SRCIN1: variants seen among roughly 807,000 people sequenced by gnomAD.
SRCIN1 encodes the protein SRC kinase signaling inhibitor 1, also known as P130Cas-associated protein.
Under a neutral mutation model 116.2 loss-of-function variants are expected in SRCIN1, and 50 were observed. The ratio of observed to expected loss-of-function variants is 0.43; its 90% confidence interval spans 0.34 to 0.54. The LOEUF (loss-of-function observed/expected upper bound fraction) is 0.54. Ranked by LOEUF, SRCIN1 falls within the 20% of genes least tolerant of loss-of-function variation. The pLI, the probability that SRCIN1 is intolerant of heterozygous loss-of-function variation, is 0.02. For synonymous variants in SRCIN1, 736 were observed against 750.0 expected, an observed-to-expected ratio of 0.98 and a Z score of 0.30; for missense variants, 1,446 against 1,672.0, an observed-to-expected ratio of 0.86 and a Z score of 2.36.
rs1180678499 is a variant in SRCIN1, at chr17:38,548,650, C to A, written c.3177G>T (p.Val1059=). Residue 1059 remains valine, a synonymous_variant, in exon 17 of 19, where the codon GTG becomes GTT. Coordinates refer to ENST00000617146, the MANE Select transcript of SRCIN1 (RefSeq NM_025248.3). The part of the protein sequence containing the change: ...QKPQVKLRRA[V]SEVARPASTP... ...TGGAGGCTGGGCGGGCCACCTCAGA[C>A]ACAGCCCGGCGCAGCTTCACCTGGG... 1 of 1,612,742 alleles carries A rather than the reference C, an allele frequency of 6.2e-7. No individual in the cohort carries two copies. Among genetic ancestry groups the A allele is most frequent in the African/African-American group, 1.3e-5 (1 of 74,914 alleles).
At chr17:38,580,850 T>TG (rs1006875628) in intron 1 of SRCIN1, among the ~76,000 whole-genome samples, 1 of 152,162 alleles carries the variant, frequency 6.6e-6, no homozygotes, top group East Asian at 1.9e-4. Context: ...TTTCTTTTTC[T>TG]GGGGGGACAG....
In SRCIN1 at chr17:38,578,420, C is replaced by T. The variant is rs373849805; in HGVS notation, c.324+70G>A. The T allele has an allele frequency of 9.6e-4, 1,415 of 1,478,964 alleles. 11 individuals carry two copies. The African/African-American group carries it at 0.018, about 19-fold the overall frequency. The allele number at this position is 1,478,964 out of a possible 1,614,324, so 91.6% of individuals were successfully genotyped here. A position where few individuals can be genotyped will look rare whatever the true frequency, so the allele number is the denominator to read the frequency against. Reference sequence around the variant, plus strand: ...GGAATGAGCCTGGGGACACGGAGCACGGGGTCAGACCTCCTCCCCTGCCCG... The same window carrying T: ...GGAATGAGCCTGGGGACACGGAGCATGGGGTCAGACCTCCTCCCCTGCCCG... On this transcript the variant is annotated intron_variant, in intron 2 of 18. Coordinates refer to ENST00000617146, the MANE Select transcript of SRCIN1 (RefSeq NM_025248.3).
At chr17:38,554,543 G>A (rs570234194) in intron 11 of SRCIN1, among the ~76,000 whole-genome samples, 3 of 152,220 alleles carry the variant, frequency 2.0e-5, no homozygotes, top group Admixed American at 6.5e-5. Flanking sequence ...CTCCCCTTGC[G>A]GCTGTTGGGT....
chr17:38,569,370 G>A (rs78644079), intron 2 of SRCIN1, among the ~76,000 whole-genome samples: 3,988 of 152,230 alleles, frequency 0.026, 186 homozygotes, highest in African/African-American at 0.089. Context: ...TGCCTGGCAC[G>A]AGCAGACAAG....
At position 38,549,083 on chromosome 17, in the gene SRCIN1, G is replaced by A. The variant is rs1352744068; in HGVS notation, c.3090C>T (p.Thr1030=). The A allele has an allele frequency of 6.2e-7, 1 of 1,613,140 alleles. No individual in the cohort carries two copies. Among genetic ancestry groups the A allele is most frequent in the South Asian group, 1.1e-5 (1 of 91,048 alleles). Residue 1030 remains threonine, a synonymous_variant, in exon 16 of 19, where the codon ACC becomes ACT. Coordinates refer to ENST00000617146, the MANE Select transcript of SRCIN1 (RefSeq NM_025248.3). ...TGATGAAGGCCGAGTCCTTCTTGCTGGTGACCACCACCTCTCCGGTACGTG... is the reference window on the plus strand; with the variant it reads ...TGATGAAGGCCGAGTCCTTCTTGCTAGTGACCACCACCTCTCCGGTACGTG... ...TTTRTGEVVV[T]SKKDSAFIKK...
chr17:38,579,286 A>T (rs929651686), intron 1 of SRCIN1, among the ~76,000 whole-genome samples: 2 of 152,222 alleles, frequency 1.3e-5, no homozygotes, highest in African/African-American at 4.8e-5. Context: ...CTCCTCCCTC[A>T]GACTAGCATA....
At chr17:38,556,784 C>T (rs904430786) in intron 11 of SRCIN1, among the ~76,000 whole-genome samples, 3 of 152,192 alleles carry the variant, frequency 2.0e-5, no homozygotes, top group African/African-American at 7.2e-5. Flanking sequence ...AGTCTGTGTT[C>T]CTGGAGAACC....
At chr17:38,545,613 GA>G (rs1220484493) in intron 17 of SRCIN1, among the ~76,000 whole-genome samples, 2 of 152,218 alleles carry the variant, frequency 1.3e-5, no homozygotes, top group Admixed American at 1.3e-4. Flanking sequence ...CAGTAAGTTG[GA>G]GGCAAAATTG....
intron 1 of SRCIN1, among the ~76,000 whole-genome samples, chr17:38,595,991 GC>G (rs1474654094): frequency 1.3e-5 from 2 of 150,064 alleles, no homozygotes; most frequent in Non-Finnish European, 2.9e-5. Flanking sequence ...CTGGGGAGGA[GC>G]ATCTGACTAC....
intron 1 of SRCIN1, among the ~76,000 whole-genome samples, chr17:38,600,609 C>T (rs916055334): frequency 3.3e-5 from 5 of 152,156 alleles, no homozygotes; most frequent in South Asian, 2.1e-4. Context: ...GAGGTGAAGC[C>T]GGAGGAGGAG....
intron 2 of SRCIN1, among the ~76,000 whole-genome samples, chr17:38,576,527 G>A (rs12602254): frequency 0.084 from 12,735 of 151,938 alleles, 547 homozygotes; most frequent in Middle Eastern, 0.11. Context: ...CCGCATCCCA[G>A]GTCCACTTTG....
chr17:38,604,202 G>C lies in SRCIN1; in HGVS notation c.22+1482C>G, dbSNP rs1171427348. Among the ~76,000 whole-genome samples, 1 of 152,078 alleles carries C rather than the reference G, an allele frequency of 6.6e-6. No individual in the cohort carries two copies. Among genetic ancestry groups the C allele is most frequent in the African/African-American group, 2.4e-5 (1 of 41,410 alleles). ...AAGGTATCCTGACGACCCCCCAAAAGTGCTCAAACCCCACCCAAAGGAACA... is the reference window on the plus strand; with the variant it reads ...AAGGTATCCTGACGACCCCCCAAAACTGCTCAAACCCCACCCAAAGGAACA... On this transcript the variant is annotated intron_variant, in intron 1 of 18. Coordinates refer to ENST00000617146, the MANE Select transcript of SRCIN1 (RefSeq NM_025248.3). This position sits in a 1 kb window ranked among gnomAD's most constrained non-coding sequence, Gnocchi z 4.3.
rs1909236851 is a variant in SRCIN1, at chr17:38,604,457, A to C, written c.22+1227T>G. Reference sequence around the variant, plus strand: ...GGGCTGGGAAGATCCCCCTCCTTGCATACTTCCCCGCGCCTGCTCACCTGG... The same window carrying C: ...GGGCTGGGAAGATCCCCCTCCTTGCCTACTTCCCCGCGCCTGCTCACCTGG... On this transcript the variant is annotated intron_variant, in intron 1 of 18. Transcript: ENST00000617146. The surrounding 1 kb of genome is among the most constrained non-coding windows in gnomAD (Gnocchi z 4.3). 1 of 450,558 alleles carries C rather than the reference A, an allele frequency of 2.2e-6. No homozygotes were observed. Among genetic ancestry groups the C allele is most frequent in the African/African-American group, 2.0e-5 (1 of 49,356 alleles). 27.9% of individuals were successfully genotyped at this position (450,558 alleles called of 1,614,324 possible). A position where few individuals can be genotyped will look rare whatever the true frequency, so the allele number is the denominator to read the frequency against.
intron 14 of SRCIN1, 140 bp downstream of exon 14, chr17:38,551,746 T>C: frequency 7.2e-7 from 1 of 1,397,232 alleles, no homozygotes; most frequent in Non-Finnish European, 9.9e-7. Flanking sequence ...ATTATGCTTC[T>C]TAGGCTTCCA....
intron 17 of SRCIN1, 130 bp downstream of exon 17, chr17:38,548,427 G>C (rs1327916352): frequency 1.8e-6 from 2 of 1,138,894 alleles, no homozygotes; most frequent in South Asian, 1.5e-5. Flanking sequence ...GCTGGGGTCT[G>C]AACAGCCAGC....
Position 38,568,406 on chromosome 17 carries a change from C to T in SRCIN1, c.325-175G>A, listed in dbSNP as rs1337186163. The stretch of plus-strand genomic sequence containing the variant: ...TGGTACATCCATTCTCTACTGAGAC[C>T]TGGAACACCATGGTGTACCCAGGAT... On this transcript the variant is annotated intron_variant, in intron 2 of 18. Coordinates refer to ENST00000617146, the MANE Select transcript of SRCIN1 (RefSeq NM_025248.3). This position sits in a 1 kb window ranked among gnomAD's most constrained non-coding sequence, Gnocchi z 4.5. 6.6e-6 allele frequency among the ~76,000 whole-genome samples: 1 copy of T among 152,184 alleles called. No homozygotes were observed. Among genetic ancestry groups the T allele is most frequent in the Admixed American group, 6.5e-5 (1 of 15,276 alleles).
Position 38,561,664 on chromosome 17 carries a change from C to T in SRCIN1, c.1499G>A (p.Ser500Asn). The change falls in exon 7 of 19, where the codon AGC becomes AAC. Residue 500 changes from serine to asparagine, a missense_variant. Ser to Asn is a conservative substitution (Grantham distance 46). Coordinates refer to ENST00000617146, the MANE Select transcript of SRCIN1 (RefSeq NM_025248.3). ...GGACTGGCGCACTGGCGAGCCGCGG[C>T]TGGGCGGCCCCGAGTAGGGGCTGTG... Reference protein sequence around the residue: ...PPHSPYSGPPSRGSPVRQSFR... With the variant: ...PPHSPYSGPPNRGSPVRQSFR... The T allele has an allele frequency of 6.4e-7, 1 of 1,557,158 alleles. No homozygotes were observed. Among genetic ancestry groups the T allele is most frequent in the Non-Finnish European group, 8.7e-7 (1 of 1,153,046 alleles).
chr17:38,565,238 C>A (rs2143221392), intron 3 of SRCIN1, among the ~76,000 whole-genome samples: 1 of 152,262 alleles, frequency 6.6e-6, no homozygotes, highest in East Asian at 1.9e-4. Context: ...GGGCCACAGC[C>A]CCTGACATTC....
chr17:38,576,912 C>T (rs535755536), intron 2 of SRCIN1, among the ~76,000 whole-genome samples: 11 of 152,206 alleles, frequency 7.2e-5, no homozygotes, highest in African/African-American at 2.4e-4. Flanking sequence ...TATTCACCAT[C>T]CAAAAGCAAA....
Sources: gnomAD v4.1 joint callset for allele counts (sites outside exome capture counted in the v4.1 genomes callset) on GRCh38, gnomAD v4.1.1 for gene constraint, Gnocchi (gnomAD v3.1) non-coding constraint, MANE v1.5 for transcripts, NCBI Gene and HGNC (gene_info 2026-07-23, HGNC 2026-07-21) for gene names.